Variants in NWD2 observed in about 807,000 individuals in gnomAD.
NWD2 encodes the protein NACHT and WD repeat domain containing 2.
In NWD2, 37 loss-of-function variants were observed where a neutral mutation model predicts 132.7. The observed-to-expected ratio is 0.28, with a 90% CI of 0.21 to 0.37. The LOEUF (loss-of-function observed/expected upper bound fraction) is 0.37. Among genes scored for constraint, NWD2 ranks in the 10% least tolerant of loss-of-function variants. The pLI is 1.00. For missense variants in NWD2, 1,592 were observed against 2,122.4 expected, an observed-to-expected ratio of 0.75 and a Z score of 4.91; for synonymous variants, 705 against 803.0, an observed-to-expected ratio of 0.88 and a Z score of 2.06.
chr4:37,448,967 G>A lies in NWD2; in HGVS notation c.*1750G>A, dbSNP rs374039022. 6.6e-6 allele frequency: 1 copy of A among 152,174 alleles called. No individual in the cohort carries two copies. Among genetic ancestry groups the A allele is most frequent in the Admixed American group, 6.5e-5 (1 of 15,282 alleles). 9.4% of individuals were successfully genotyped at this position (152,174 alleles called of 1,614,324 possible). A position where few individuals can be genotyped will look rare whatever the true frequency, so the allele number is the denominator to read the frequency against. On this transcript the variant is annotated 3_prime_UTR_variant, in exon 7 of 7. Coordinates refer to ENST00000309447, the MANE Select transcript of NWD2 (RefSeq NM_001144990.2). ...ATGTGATTCAGATAAAAATACCCAG[G>A]TCCATAGTGAAAGATGTTTTTCAGT...
intron 1 of NWD2, among the ~76,000 whole-genome samples, chr4:37,274,145 G>GTT: frequency 6.6e-6 from 1 of 151,980 alleles, no homozygotes; most frequent in Non-Finnish European, 1.5e-5. Flanking sequence ...TCCAGGAGCT[G>GTT]TTTTTTCTTA....
intron 2 of NWD2, among the ~76,000 whole-genome samples, chr4:37,351,834 T>C (rs2109299059): frequency 6.6e-6 from 1 of 152,372 alleles, no homozygotes; most frequent in East Asian, 1.9e-4. Flanking sequence ...AATTTCCCTC[T>C]AAACACTGCT....
Position 37,447,922 on chromosome 4 carries a change from A to T in NWD2, c.*705A>T, listed in dbSNP as rs1269844157. The T allele has an allele frequency of 6.6e-6, 1 of 152,198 alleles. No individual in the cohort carries two copies. The highest frequency in any genetic ancestry group is 2.4e-5 in the African/African-American group (1 of 41,448). 9.4% of individuals were successfully genotyped at this position (152,198 alleles called of 1,614,324 possible). On this transcript the variant is annotated 3_prime_UTR_variant, in exon 7 of 7. Coordinates refer to ENST00000309447, the MANE Select transcript of NWD2 (RefSeq NM_001144990.2). The stretch of plus-strand genomic sequence containing the variant: ...GTATAACAGAATATATGATTTTTAA[A>T]CTATTTCCTGGGTTGCAAAAGAACA...
At chr4:37,440,138 C>T (rs1560256347) in intron 6 of NWD2, among the ~76,000 whole-genome samples, 1 of 152,164 alleles carries the variant, frequency 6.6e-6, no homozygotes, top group Non-Finnish European at 1.5e-5. Flanking sequence ...CATCTCTTAC[C>T]TACAGTTGCC....
chr4:37,305,146 A>G (rs572321314), intron 1 of NWD2, among the ~76,000 whole-genome samples: 126 of 152,200 alleles, frequency 8.3e-4, no homozygotes, highest in South Asian at 4.6e-3. Context: ...CCTGAGCTCT[A>G]TGTTGGCCCC....
intron 3 of NWD2, among the ~76,000 whole-genome samples, chr4:37,376,849 T>C (rs1480547737): frequency 6.6e-6 from 1 of 152,176 alleles, no homozygotes; most frequent in African/African-American, 2.4e-5. Flanking sequence ...TCTCCCACAA[T>C]ATATTGTGAA....
intron 3 of NWD2, among the ~76,000 whole-genome samples, chr4:37,410,605 A>G (rs1721135650): frequency 6.6e-6 from 1 of 152,190 alleles, no homozygotes; most frequent in South Asian, 2.1e-4. Context: ...AAAATTAACA[A>G]GGATATTCAG....
chr4:37,403,050 C>T (rs1260361601), intron 3 of NWD2, among the ~76,000 whole-genome samples: 2 of 152,052 alleles, frequency 1.3e-5, no homozygotes, highest in African/African-American at 2.4e-5. Flanking sequence ...TTTGTGGAGT[C>T]ACCAAGAACA....
At chr4:37,335,744 A>T (rs1405912641) in intron 2 of NWD2, among the ~76,000 whole-genome samples, 2 of 151,570 alleles carry the variant, frequency 1.3e-5, no homozygotes, top group African/African-American at 4.8e-5. Context: ...TGATGATCTG[A>T]GGTGAAAGTT....
At chr4:37,248,756 A>G (rs1165839286) in intron 1 of NWD2, among the ~76,000 whole-genome samples, 1 of 152,168 alleles carries the variant, frequency 6.6e-6, no homozygotes, top group East Asian at 1.9e-4. Flanking sequence ...TTGATTCTTT[A>G]TCAGTTTATA....
intron 3 of NWD2, among the ~76,000 whole-genome samples, chr4:37,413,948 A>C (rs1721212077): frequency 6.6e-6 from 1 of 152,012 alleles, no homozygotes; most frequent in East Asian, 1.9e-4. Flanking sequence ...AGAGAAGGGA[A>C]CATCACACAC....
chr4:37,424,273 C>T (rs1711926837), intron 3 of NWD2, among the ~76,000 whole-genome samples: 5 of 152,134 alleles, frequency 3.3e-5, no homozygotes, highest in Admixed American at 3.3e-4. Flanking sequence ...ATGAGCTACT[C>T]TAAGATACTC....
intron 1 of NWD2, among the ~76,000 whole-genome samples, chr4:37,315,534 T>C (rs1718938735): frequency 6.6e-6 from 1 of 152,140 alleles, no homozygotes; most frequent in Admixed American, 6.5e-5. Context: ...GATCTGATTT[T>C]GGTTTACTGC....
chr4:37,264,793 T>G (rs10018855), intron 1 of NWD2, among the ~76,000 whole-genome samples: 2,154 of 152,250 alleles, frequency 0.014, 45 homozygotes, highest in African/African-American at 0.048. Context: ...AAACATTATA[T>G]AAAGGATATG....
intron 1 of NWD2, among the ~76,000 whole-genome samples, chr4:37,271,102 G>C (rs1717862934): frequency 2.0e-5 from 3 of 151,702 alleles, no homozygotes; most frequent in South Asian, 4.1e-4. Context: ...TTGGTCAATT[G>C]GTCTATCCTT....
chr4:37,358,257 C>T (rs1371364179), intron 3 of NWD2, among the ~76,000 whole-genome samples: 1 of 152,030 alleles, frequency 6.6e-6, no homozygotes, highest in Non-Finnish European at 1.5e-5. Context: ...GTATTTTAAG[C>T]ATGGCCTTGG....
At chr4:37,366,127 T>G (rs1369859908) in intron 3 of NWD2, among the ~76,000 whole-genome samples, 1 of 152,130 alleles carries the variant, frequency 6.6e-6, no homozygotes, top group Non-Finnish European at 1.5e-5. Flanking sequence ...GTTTTCTCCA[T>G]GAATGCTCAA....
chr4:37,404,875 AACTC>A (rs1213261046), intron 3 of NWD2, among the ~76,000 whole-genome samples: 4 of 152,144 alleles, frequency 2.6e-5, no homozygotes, highest in African/African-American at 7.2e-5. Context: ...ATCTGGTGAG[AACTC>A]ACTCACTATC....
chr4:37,405,373 A>G (rs151309827), intron 3 of NWD2, among the ~76,000 whole-genome samples: 25 of 152,286 alleles, frequency 1.6e-4, no homozygotes, highest in South Asian at 4.1e-4. Context: ...GTAGATCAAT[A>G]AATCATTCTG....
Sources: allele counts gnomAD v4.1 joint callset (sites outside exome capture counted in the v4.1 genomes callset), GRCh38; gene constraint gnomAD v4.1.1; transcripts MANE v1.5; gene names NCBI Gene and HGNC (gene_info 2026-07-23, HGNC 2026-07-21).